PCDH7: variants seen among roughly 807,000 people sequenced by gnomAD.
The protein encoded by PCDH7 is protocadherin 7.
A neutral mutation model predicts 58.9 loss-of-function variants in PCDH7; 17 were observed. The observed-to-expected ratio is 0.29, with a 90% CI of 0.20 to 0.43. The LOEUF is 0.43. PCDH7 is among the 20% of genes least tolerant of loss of function. The probability of loss-of-function intolerance (pLI) is 1.00; values close to 1 mark genes in which losing one functional copy is unlikely to be tolerated. For synonymous variants in PCDH7, 664 were observed against 616.4 expected (o/e 1.08, Z -1.14); for missense variants, 1,274 against 1,441.0 (o/e 0.88, Z 1.88).
At chr4:31,064,447 C>T (rs1757923825) in intron 3 of PCDH7, among the ~76,000 whole-genome samples, 1 of 151,856 alleles carries the variant, frequency 6.6e-6, no homozygotes, top group Non-Finnish European at 1.5e-5. Context: ...AATCAAGTAC[C>T]ATGAATAGGG....
rs975029997 is a variant in PCDH7 at position 30,811,958 on chromosome 4, T to G, written c.70+87362T>G. Among the ~76,000 whole-genome samples, 5 of 152,160 alleles carry G rather than the reference T, an allele frequency of 3.3e-5. No homozygotes were observed. In the South Asian group the frequency reaches 1.0e-3, roughly 32 times the overall value. ...GCCAAGATCCAGACTTGTGAAAGTA[T>G]AGGATGAGTTAATTCAGACATGCAC... is the stretch of plus-strand genomic sequence containing the variant. On this transcript the variant is annotated intron_variant, in intron 1 of 3. Transcript: ENST00000509759.
intron 1 of PCDH7, among the ~76,000 whole-genome samples, chr4:30,873,048 G>C (rs943034279): frequency 6.6e-6 from 1 of 152,066 alleles, no homozygotes; most frequent in African/African-American, 2.4e-5. Flanking sequence ...ATGTCAAAGA[G>C]TGAACTAAAT....
intron 1 of PCDH7, among the ~76,000 whole-genome samples, chr4:30,726,114 A>G (rs1308425476): frequency 1.3e-5 from 2 of 152,052 alleles, no homozygotes; most frequent in Non-Finnish European, 2.9e-5. Context: ...ATTGTGTTAC[A>G]TGGAGTGAGA....
At chr4:30,934,250 A>G (rs576543902) in intron 2 of PCDH7, among the ~76,000 whole-genome samples, 40 of 150,880 alleles carry the variant, frequency 2.7e-4, no homozygotes, top group Middle Eastern at 3.4e-3. Context: ...AGTATTATCT[A>G]TGTCCCCGGG....
chr4:31,023,126 A>G (rs1454598513), intron 3 of PCDH7, among the ~76,000 whole-genome samples: 1 of 152,144 alleles, frequency 6.6e-6, no homozygotes, highest in Non-Finnish European at 1.5e-5. Flanking sequence ...ATTTAAGGAG[A>G]TAGTGGGCTA....
At chr4:30,879,618 C>T (rs943993693) in intron 1 of PCDH7, among the ~76,000 whole-genome samples, 1 of 152,108 alleles carries the variant, frequency 6.6e-6, no homozygotes, top group African/African-American at 2.4e-5. Flanking sequence ...TATGCTTCCT[C>T]ACAGGGACCC....
At chr4:30,966,551 A>G (rs928583498) in intron 3 of PCDH7, among the ~76,000 whole-genome samples, 2 of 152,066 alleles carry the variant, frequency 1.3e-5, no homozygotes, top group Non-Finnish European at 2.9e-5. Context: ...AGAGAAACAC[A>G]TTTTTATTTT....
intron 2 of PCDH7, among the ~76,000 whole-genome samples, chr4:30,936,242 A>G (rs1288666848): frequency 6.6e-6 from 1 of 152,052 alleles, no homozygotes; most frequent in Non-Finnish European, 1.5e-5. Flanking sequence ...AAAGCAAGGT[A>G]ATATCGACAT....
intron 1 of PCDH7, among the ~76,000 whole-genome samples, chr4:30,895,425 G>A (rs1432823470): frequency 1.3e-5 from 2 of 152,040 alleles, no homozygotes; most frequent in Admixed American, 6.6e-5. Flanking sequence ...TGAGCAGTGT[G>A]GCTATAGGAA....
rs765609050 is a variant in PCDH7, at chr4:31,136,495, A to G, written c.*8-5978A>G. On this transcript the variant is annotated intron_variant, in intron 3 of 3. Coordinates refer to the PCDH7 transcript ENST00000509759. Reference sequence around the variant, plus strand: ...GAATGGTACAGATGATGCCACAGCAAGGATTGATTGATTAGCCAGTGTTCC... The same window carrying G: ...GAATGGTACAGATGATGCCACAGCAGGGATTGATTGATTAGCCAGTGTTCC... 1.4e-3 allele frequency among the ~76,000 whole-genome samples: 207 copies of G among 152,320 alleles called. 1 individual carries two copies. Among genetic ancestry groups the G allele is most frequent in the Non-Finnish European group, 1.9e-3 (131 of 68,028 alleles).
chr4:30,961,203 T>G lies in PCDH7; in HGVS notation c.*7+10988T>G, dbSNP rs573315479. ...TTAAAATTAATGAGTTTCATTAATA[T>G]TATATCTTACAAAAATTTATTTAAA... On this transcript the variant is annotated intron_variant, in intron 3 of 3. Transcript: ENST00000509759. Among the ~76,000 whole-genome samples, 24 of 152,148 alleles carry G rather than the reference T, an allele frequency of 1.6e-4. 1 individual carries two copies. In the South Asian group the frequency reaches 5.0e-3, roughly 32 times the overall value.
At chr4:30,882,269 GTCT>G (rs1463741008) in intron 1 of PCDH7, among the ~76,000 whole-genome samples, 2 of 144,742 alleles carry the variant, frequency 1.4e-5, no homozygotes, top group East Asian at 2.0e-4. Context: ...CTTCATCTTT[GTCT>G]TCTTCTTGGA....
intron 1 of PCDH7, among the ~76,000 whole-genome samples, chr4:30,780,000 G>C (rs1259476117): frequency 6.6e-6 from 1 of 152,124 alleles, no homozygotes; most frequent in East Asian, 1.9e-4. Context: ...GGCCTGAAGA[G>C]GATAATAATG....
intron 3 of PCDH7, among the ~76,000 whole-genome samples, chr4:31,107,313 C>T (rs1715702338): frequency 6.6e-6 from 1 of 151,986 alleles, no homozygotes; most frequent in South Asian, 2.1e-4. Context: ...CTTTCTATCT[C>T]ACAATAAAGC....
intron 3 of PCDH7, among the ~76,000 whole-genome samples, chr4:31,040,752 A>G (rs899813050): frequency 7.2e-5 from 11 of 152,206 alleles, no homozygotes; most frequent in Non-Finnish European, 1.6e-4. Flanking sequence ...AGTTAAAAAA[A>G]AGACTATTTT....
At chr4:30,778,600 AT>A (rs969632954) in intron 1 of PCDH7, among the ~76,000 whole-genome samples, 20 of 151,806 alleles carry the variant, frequency 1.3e-4, no homozygotes, top group South Asian at 2.1e-4. Context: ...ACTACAAAGA[AT>A]TTTTTTTTGT....
chr4:31,096,794 C>T (rs531704527), intron 3 of PCDH7, among the ~76,000 whole-genome samples: 113 of 151,992 alleles, frequency 7.4e-4, no homozygotes, highest in African/African-American at 2.5e-3. Context: ...TGGTTAATAA[C>T]GTTTATTATT....
Position 30,950,410 on chromosome 4 carries a change from A to G in PCDH7, c.*7+195A>G, listed in dbSNP as rs557364554. 2.6e-5 allele frequency among the ~76,000 whole-genome samples: 4 copies of G among 152,272 alleles called. No individual in the cohort carries two copies. The East Asian group carries it at 7.7e-4, about 29-fold the overall frequency. ...CCTATACAGTGGTAGATTTTTCTCA[A>G]TGTATAGAGTTTAGAAGAATTAATG... On this transcript the variant is annotated intron_variant, in intron 3 of 3. Transcript: ENST00000509759.
intron 1 of PCDH7, among the ~76,000 whole-genome samples, chr4:30,891,137 C>A (rs940442659): frequency 2.6e-5 from 4 of 152,078 alleles, no homozygotes; most frequent in African/African-American, 9.7e-5. Context: ...CATTTTGGAT[C>A]ATCTAGCAAG....
Sources: gnomAD v4.1 joint callset for allele counts (sites outside exome capture counted in the v4.1 genomes callset) on GRCh38, gnomAD v4.1.1 for gene constraint, MANE v1.5 for transcripts, NCBI Gene and HGNC (gene_info 2026-07-23, HGNC 2026-07-21) for gene names.